The following CREBRF variants were observed in gnomAD, a reference collection of about 807,000 sequenced individuals.
CREBRF encodes the protein CREB3 regulatory factor, also known as UPF0474 protein C5orf41.
CREBRF carries 5 observed loss-of-function variants against 66.1 expected under a neutral mutation model. That is an observed-to-expected ratio of 0.08 (90% CI 0.04 to 0.16). The LOEUF is 0.16. CREBRF is among the 10% of genes least tolerant of loss of function. The probability of loss-of-function intolerance (pLI) is 1.00; values close to 1 mark genes in which losing one functional copy is unlikely to be tolerated. For missense variants in CREBRF, 531 were observed against 744.9 expected, an observed-to-expected ratio of 0.71 and a Z score of 3.34; for synonymous variants, 229 against 264.4, an observed-to-expected ratio of 0.87 and a Z score of 1.30.
intron 8 of CREBRF, among the ~76,000 whole-genome samples, chr5:173,125,967 C>T (rs1053835992): frequency 2.0e-4 from 31 of 152,172 alleles, no homozygotes; most frequent in African/African-American, 7.5e-4. Context: ...CATGTGAGGT[C>T]AAGAGTTCTA....
chr5:173,073,339 C>G (rs1021451117), intron 1 of CREBRF, among the ~76,000 whole-genome samples: 1 of 152,132 alleles, frequency 6.6e-6, no homozygotes, highest in Non-Finnish European at 1.5e-5. Flanking sequence ...ACTATATTAC[C>G]TAGATGTTTT....
chr5:173,087,127 A>C (rs1758176102), intron 3 of CREBRF, among the ~76,000 whole-genome samples: 1 of 151,920 alleles, frequency 6.6e-6, no homozygotes, highest in Non-Finnish European at 1.5e-5. Flanking sequence ...TTGCATTTTT[A>C]GTAGGGACAG....
At chr5:173,057,948 C>T (rs1227022198) in intron 1 of CREBRF, among the ~76,000 whole-genome samples, 1 of 151,876 alleles carries the variant, frequency 6.6e-6, no homozygotes, top group Non-Finnish European at 1.5e-5. Context: ...AAAACTGAGC[C>T]CACAGGAAGT....
intron 6 of CREBRF, among the ~76,000 whole-genome samples, chr5:173,110,955 T>C (rs1008394478): frequency 7.9e-5 from 12 of 152,210 alleles, no homozygotes; most frequent in African/African-American, 2.9e-4. Flanking sequence ...AAAAATTTTT[T>C]CATAGCTTTA....
At chr5:173,105,900 G>C (rs1758737313) in intron 4 of CREBRF, among the ~76,000 whole-genome samples, 1 of 151,956 alleles carries the variant, frequency 6.6e-6, no homozygotes. Context: ...TTACAGGCAT[G>C]AGCCACCGTG....
Position 173,134,510 on chromosome 5 carries a change from A to G in CREBRF, c.*765A>G. On this transcript the variant is annotated 3_prime_UTR_variant, in exon 9 of 9. Transcript: ENST00000296953. Reference sequence around the variant, plus strand: ...TGTATATAGGACTATGTTGAAATGTAGATATATGCCACAGAGTCTGTGTAT... The same window carrying G: ...TGTATATAGGACTATGTTGAAATGTGGATATATGCCACAGAGTCTGTGTAT... The G allele has an allele frequency of 6.2e-6, 1 of 162,242 alleles. No homozygotes were observed. The highest frequency in any genetic ancestry group is 1.4e-5 in the Non-Finnish European group (1 of 73,590). 10.1% of individuals were successfully genotyped at this position (162,242 alleles called of 1,614,324 possible).
At chr5:173,105,241 G>GT (rs1758721754) in intron 4 of CREBRF, among the ~76,000 whole-genome samples, 1 of 151,984 alleles carries the variant, frequency 6.6e-6, no homozygotes, top group African/African-American at 2.4e-5. Flanking sequence ...GTGTGTGTGT[G>GT]TGTGTGTGTG....
At chr5:173,115,074 A>T (rs1758954969) in intron 7 of CREBRF, among the ~76,000 whole-genome samples, 1 of 149,062 alleles carries the variant, frequency 6.7e-6, no homozygotes, top group Admixed American at 6.7e-5. Flanking sequence ...TTTACTTTAG[A>T]TTTTATAGTG....
At position 173,118,729 on chromosome 5, in the gene CREBRF, CT is replaced by C. The variant is rs765280974; in HGVS notation, c.1682-4335del. Among the ~76,000 whole-genome samples, 599 of 137,062 alleles carry C rather than the reference CT, an allele frequency of 4.4e-3. 2 individuals are homozygous for C. The highest frequency in any genetic ancestry group is 0.026 in the Middle Eastern group (7 of 272). 89.9% of individuals were successfully genotyped at this position (137,062 alleles called of 152,430 possible). On this transcript the variant is annotated intron_variant, in intron 7 of 8. Transcript: ENST00000296953. ...TATCTTCCTTTATGTGGATACAAAA[CT>C]TTTTTTTTTTTTTTTAAATAGAGAC... is the stretch of plus-strand genomic sequence containing the variant.
chr5:173,132,230 T>A lies in CREBRF; in HGVS notation c.1805-1400T>A, dbSNP rs62385903. On this transcript the variant is annotated intron_variant, in intron 8 of 8. Transcript: ENST00000296953. ...CCTCCTGAGTAGCTGGGATTACAGG[T>A]ACCCGCCACCATGCCCAGCTAATTT... Among the ~76,000 whole-genome samples the A allele has an allele frequency of 3.4e-5, 5 of 148,598 alleles. No individual in the cohort carries two copies. The South Asian group carries it at 1.1e-3, about 32-fold the overall frequency.
intron 1 of CREBRF, among the ~76,000 whole-genome samples, chr5:173,079,016 G>C (rs554655271): frequency 6.6e-6 from 1 of 152,160 alleles, no homozygotes; most frequent in African/African-American, 2.4e-5. Flanking sequence ...GGAATCAGGG[G>C]AGAGAATTAG....
chr5:173,082,010 T>G (rs900138680), intron 2 of CREBRF, among the ~76,000 whole-genome samples: 3 of 51,292 alleles, frequency 5.8e-5, no homozygotes, highest in South Asian at 4.9e-4. Context: ...TTAGTTTTTT[T>G]TTTTTTTTTT....
chr5:173,071,665 C>CATT (rs1441457067), intron 1 of CREBRF, among the ~76,000 whole-genome samples: 2 of 151,984 alleles, frequency 1.3e-5, no homozygotes, highest in Non-Finnish European at 2.9e-5. Context: ...GTAGTTTGGA[C>CATT]ATTATCCAAG....
At chr5:173,110,466 C>A in intron 5 of CREBRF, 56 bp from the exon 6 acceptor site, 1 of 1,284,518 alleles carries the variant, frequency 7.8e-7, no homozygotes, top group Non-Finnish European at 1.1e-6. Flanking sequence ...CCGTGAAAAA[C>A]GTGTCTCTTG....
At position 173,123,243 on chromosome 5, in the gene CREBRF, T is replaced by C; in HGVS notation, c.1804+41T>C. ...GATAAATTCATAACAATTAATAATA[T>C]GTGTAAGATGTATGATTTAAGGGGA... is the stretch of plus-strand genomic sequence containing the variant. On this transcript the variant is annotated intron_variant, in intron 8 of 8. Transcript: ENST00000296953. 1.3e-6 allele frequency: 2 copies of C among 1,555,584 alleles called. 1 individual carries two copies.
In CREBRF at chr5:173,091,256, G is replaced by A. The variant is rs1758330511; in HGVS notation, c.1077G>A (p.Glu359=). The A allele has an allele frequency of 6.8e-6, 11 of 1,613,984 alleles. No homozygotes were observed. Among genetic ancestry groups the A allele is most frequent in the Non-Finnish European group, 9.3e-6 (11 of 1,179,952 alleles). Residue 359 remains glutamate (E), a synonymous_variant, in exon 4 of 9, where the codon GAG becomes GAA. Coordinates refer to ENST00000296953, the MANE Select transcript of CREBRF (RefSeq NM_153607.3). Reference sequence around the variant, plus strand: ...AATGCAGTCCTGAAGAAGATGAGGAGGACGAGGAGGATGTTGATGATGAGG... The same window carrying A: ...AATGCAGTCCTGAAGAAGATGAGGAAGACGAGGAGGATGTTGATGATGAGG... ...PTKCSPEEDE[E]DEEDVDDEDH... is the part of the protein sequence containing the mutation.
chr5:173,070,402 A>G (rs79846821), intron 1 of CREBRF, among the ~76,000 whole-genome samples: 4,547 of 152,256 alleles, frequency 0.03, 217 homozygotes, highest in African/African-American at 0.1. Flanking sequence ...ACAGCTTAGA[A>G]AACAAAGTGA....
At chr5:173,065,565 A>AT (rs1265938429) in intron 1 of CREBRF, among the ~76,000 whole-genome samples, 1 of 149,440 alleles carries the variant, frequency 6.7e-6, no homozygotes, top group African/African-American at 2.5e-5. Flanking sequence ...TTCTGACTCT[A>AT]TTTGTCTCTT....
chr5:173,110,479 A>T, intron 5 of CREBRF, 43 bp from the exon 6 acceptor site: 1 of 1,408,814 alleles, frequency 7.1e-7, no homozygotes, highest in Non-Finnish European at 1.0e-6. Context: ...GTCTCTTGTT[A>T]ATTAAAGTGA....
Sources: allele counts gnomAD v4.1 joint callset (sites outside exome capture counted in the v4.1 genomes callset), GRCh38; gene constraint gnomAD v4.1.1; transcripts MANE v1.5; gene names NCBI Gene and HGNC (gene_info 2026-07-23, HGNC 2026-07-21).